CIMIP4: variants seen among roughly 807,000 people sequenced by gnomAD.
The protein encoded by CIMIP4 is protein EAN57.
chr22:36,993,253 G>A, the CIMIP4 span, among the ~76,000 whole-genome samples: 2 of 151,622 alleles, frequency 1.3e-5, no homozygotes, highest in African/African-American at 4.8e-5. Flanking sequence ...CTTGTGATCC[G>A]CCCATCTCGG....
the CIMIP4 span, among the ~76,000 whole-genome samples, chr22:36,996,155 G>T: frequency 6.6e-6 from 1 of 151,928 alleles, no homozygotes; most frequent in Non-Finnish European, 1.5e-5. Context: ...AATGGGAATT[G>T]TAGCATTTAC....
the CIMIP4 span, among the ~76,000 whole-genome samples, chr22:36,999,518 AAGGGG>A: frequency 0.03 from 1,336 of 44,570 alleles, 201 homozygotes; most frequent in East Asian, 0.1. Context: ...AAGGAAAGGG[AAGGGG>A]AGGGGAGGGG....
At chr22:37,003,910 A>T in the CIMIP4 span, 3 of 1,509,134 alleles carry the variant, frequency 2.0e-6, no homozygotes, top group East Asian at 2.6e-5. Flanking sequence ...TGCCCCAGGG[A>T]GTCCCTCCAG....
chr22:36,993,785 A>T, the CIMIP4 span, among the ~76,000 whole-genome samples: 1 of 152,176 alleles, frequency 6.6e-6, no homozygotes, highest in Non-Finnish European at 1.5e-5. Flanking sequence ...ACGAAAAATA[A>T]GATCATGGAA....
At chr22:36,991,483 A>G in the CIMIP4 span, 2 of 1,614,008 alleles carry the variant, frequency 1.2e-6, no homozygotes, top group Non-Finnish European at 1.7e-6. Context: ...TCACTTACCC[A>G]GATCATCCGT....
chr22:36,991,726 T>C, the CIMIP4 span: 1 of 735,822 alleles, frequency 1.4e-6, no homozygotes, highest in East Asian at 2.6e-5. Flanking sequence ...GGTTTCAAAG[T>C]AAAGTCGTTT....
the CIMIP4 span, chr22:36,991,733 G>C: frequency 1.4e-6 from 1 of 703,102 alleles, no homozygotes; most frequent in South Asian, 1.8e-5. Flanking sequence ...AAGTAAAGTC[G>C]TTTGGGTTCA....
chr22:36,991,376 C>T, the CIMIP4 span: 1 of 1,553,882 alleles, frequency 6.4e-7, no homozygotes, highest in African/African-American at 1.4e-5. Context: ...CCAAGTCCAC[C>T]CCGGCTCTGT....
the CIMIP4 span, among the ~76,000 whole-genome samples, chr22:37,003,128 C>G: frequency 6.6e-6 from 1 of 152,218 alleles, no homozygotes; most frequent in East Asian, 1.9e-4. Flanking sequence ...GCCTCTGAGC[C>G]CAAGCTAAAC....
At chr22:36,994,474 C>T in the CIMIP4 span, among the ~76,000 whole-genome samples, 6 of 151,836 alleles carry the variant, frequency 4.0e-5, no homozygotes, top group South Asian at 2.1e-4. Context: ...TACAGGCGTG[C>T]GCCATCACGC....
chr22:37,007,777 G>C, the CIMIP4 span: 2 of 152,294 alleles, frequency 1.3e-5, no homozygotes, highest in Non-Finnish European at 2.9e-5. Flanking sequence ...CCACACTGAT[G>C]TGTGCTGAAG....
the CIMIP4 span, among the ~76,000 whole-genome samples, chr22:37,007,025 G>A: frequency 6.6e-6 from 1 of 152,170 alleles, no homozygotes; most frequent in Non-Finnish European, 1.5e-5. Context: ...GCTGGATCCT[G>A]CCATGTGAAT....
At chr22:37,001,937 T>C in the CIMIP4 span, 2 of 1,613,842 alleles carry the variant, frequency 1.2e-6, no homozygotes, top group Non-Finnish European at 1.7e-6. Flanking sequence ...CGTGCTCCTC[T>C]GGTCCTGAGC....
the CIMIP4 span, among the ~76,000 whole-genome samples, chr22:37,002,922 G>A: frequency 6.6e-5 from 10 of 152,186 alleles, no homozygotes; most frequent in African/African-American, 1.9e-4. Context: ...TCTCCTCCCC[G>A]CCTCTCCCTG....
the CIMIP4 span, among the ~76,000 whole-genome samples, chr22:36,996,986 T>A: frequency 3.3e-5 from 5 of 152,148 alleles, no homozygotes; most frequent in African/African-American, 1.2e-4. Context: ...TGAAAATGAA[T>A]CCCTACTGGG....
the CIMIP4 span, among the ~76,000 whole-genome samples, chr22:36,994,947 A>G: frequency 4.6e-5 from 7 of 152,178 alleles, no homozygotes; most frequent in Non-Finnish European, 1.0e-4. Context: ...ATTATTCTTA[A>G]GCACACACAG....
the CIMIP4 span, among the ~76,000 whole-genome samples, chr22:37,000,350 A>G: frequency 6.6e-6 from 1 of 152,206 alleles, no homozygotes; most frequent in Non-Finnish European, 1.5e-5. Context: ...CCCAGTTCAC[A>G]TGGCTGGCAG....
chr22:36,992,854 G>A, the CIMIP4 span, among the ~76,000 whole-genome samples: 1 of 151,474 alleles, frequency 6.6e-6, no homozygotes, highest in Admixed American at 6.6e-5. Flanking sequence ...GCTCACGCCT[G>A]TAATCCCAGC....
chr22:37,005,875 C>T, the CIMIP4 span, among the ~76,000 whole-genome samples: 1 of 152,200 alleles, frequency 6.6e-6, no homozygotes, highest in Non-Finnish European at 1.5e-5. Flanking sequence ...CTCATCCTTT[C>T]CAGATCCCAA....
Sources: allele counts gnomAD v4.1 joint callset (sites outside exome capture counted in the v4.1 genomes callset), GRCh38; gene constraint gnomAD v4.1.1; transcripts MANE v1.5; gene names NCBI Gene and HGNC (gene_info 2026-07-23, HGNC 2026-07-21).